The following ITGB5 variants were observed in gnomAD, a reference collection of about 807,000 sequenced individuals.
ITGB5 encodes integrin subunit beta 5.
A neutral mutation model predicts 84.8 loss-of-function variants in ITGB5; 38 were observed. That is an observed-to-expected ratio of 0.45 (90% CI 0.35 to 0.59). ITGB5 has a LOEUF of 0.59. Among genes scored for constraint, ITGB5 ranks in the 20% least tolerant of loss-of-function variants. The pLI is 0.01. For synonymous variants in ITGB5, 393 were observed against 414.4 expected (o/e 0.95, Z 0.63); for missense variants, 905 against 1,034.5 (o/e 0.87, Z 1.72).
At chr3:124,847,697 G>C (rs545029221) in intron 4 of ITGB5, among the ~76,000 whole-genome samples, 272 of 152,266 alleles carry the variant, frequency 1.8e-3, no homozygotes, top group Non-Finnish European at 2.8e-3. Context: ...AGTTGGACTT[G>C]AGGAGCAGGA....
intron 5 of ITGB5, among the ~76,000 whole-genome samples, chr3:124,834,577 GGAAGGAAA>G (rs2064905484): frequency 1.3e-5 from 1 of 77,968 alleles, no homozygotes; most frequent in Non-Finnish European, 2.4e-5. Context: ...GAGGAAGGAA[GGAAGGAAA>G]GAAGGAAGGA....
At chr3:124,816,757 G>T (rs1559949675) in intron 8 of ITGB5, among the ~76,000 whole-genome samples, 1 of 152,202 alleles carries the variant, frequency 6.6e-6, no homozygotes, top group Non-Finnish European at 1.5e-5. Flanking sequence ...TGGATGCGTG[G>T]CTTGGAATGT....
chr3:124,844,499 G>C (rs1357692081), intron 4 of ITGB5, among the ~76,000 whole-genome samples: 1 of 152,146 alleles, frequency 6.6e-6, no homozygotes, highest in Non-Finnish European at 1.5e-5. Flanking sequence ...GGTGGAGGTT[G>C]CAGTGAGCTG....
At chr3:124,868,598 T>C (rs559307156) in intron 2 of ITGB5, among the ~76,000 whole-genome samples, 5 of 111,016 alleles carry the variant, frequency 4.5e-5, no homozygotes, top group Admixed American at 3.9e-4. Context: ...CTGGGCAACA[T>C]AGTGAGACCT....
intron 5 of ITGB5, among the ~76,000 whole-genome samples, chr3:124,830,527 A>C (rs2064845424): frequency 6.6e-6 from 1 of 152,182 alleles, no homozygotes; most frequent in Admixed American, 6.5e-5. Context: ...ACTGTGTAGA[A>C]AAACAGAGAA....
At chr3:124,811,248 A>C (rs2064496824) in intron 8 of ITGB5, among the ~76,000 whole-genome samples, 1 of 152,194 alleles carries the variant, frequency 6.6e-6, no homozygotes. Context: ...GCTGTATCAT[A>C]GATCTCTCTG....
chr3:124,833,909 T>C (rs1426306273), intron 5 of ITGB5, among the ~76,000 whole-genome samples: 1 of 152,084 alleles, frequency 6.6e-6, no homozygotes, highest in Non-Finnish European at 1.5e-5. Flanking sequence ...AGATGATAAC[T>C]AGGACAGAAG....
chr3:124,785,231 A>G (rs2064063580), intron 10 of ITGB5, among the ~76,000 whole-genome samples: 1 of 152,246 alleles, frequency 6.6e-6, no homozygotes, highest in African/African-American at 2.4e-5. Context: ...GCACAGTAAT[A>G]ACAAGTAAAT....
upstream of ITGB5, chr3:124,887,684 C>A (rs1238029423): frequency 2.2e-6 from 1 of 451,362 alleles, no homozygotes; most frequent in African/African-American, 2.0e-5. Context: ...GGGCGGGGCA[C>A]GCTGTATTAG....
chr3:124,793,225 C>G (rs543832178), intron 10 of ITGB5: 11 of 152,302 alleles, frequency 7.2e-5, no homozygotes, highest in African/African-American at 2.6e-4. Flanking sequence ...CACACAGCAT[C>G]TGACTCAAAC....
At position 124,797,043 on chromosome 3, in the gene ITGB5, T is replaced by C. The variant is rs572342992; in HGVS notation, c.1264-226A>G. 4.6e-5 allele frequency among the ~76,000 whole-genome samples: 7 copies of C among 152,312 alleles called. No individual in the cohort carries two copies. In the South Asian group the frequency reaches 1.2e-3, roughly 27 times the overall value. On this transcript the variant is annotated intron_variant, in intron 9 of 14. Coordinates refer to ENST00000296181, the MANE Select transcript of ITGB5 (RefSeq NM_002213.5). Reference sequence around the variant, plus strand: ...GGTGAGCTCACATTTGACAGGTGAATTCTTTAACATTCATTATCTCTTTGC... The same window carrying C: ...GGTGAGCTCACATTTGACAGGTGAACTCTTTAACATTCATTATCTCTTTGC...
At chr3:124,894,675 A>G (rs555843954) in intron 1 of ITGB5, 4 of 152,308 alleles carry the variant, frequency 2.6e-5, no homozygotes, top group African/African-American at 7.2e-5. Context: ...TTATTTCAGT[A>G]AAAAGTAGAA....
intron 11 of ITGB5, among the ~76,000 whole-genome samples, chr3:124,771,284 G>GA (rs1407117346): frequency 2.0e-5 from 3 of 151,444 alleles, no homozygotes; most frequent in East Asian, 1.9e-4. Flanking sequence ...GAAACCCCCA[G>GA]AAAAAAAAGG....
intron 10 of ITGB5, among the ~76,000 whole-genome samples, chr3:124,775,194 ATGTG>A (rs1427620976): frequency 3.3e-5 from 5 of 152,082 alleles, no homozygotes; most frequent in African/African-American, 1.2e-4. Context: ...GCTCAGAGGA[ATGTG>A]TGTGCTTGTG....
chr3:124,801,890 G>A (rs1553757655), intron 9 of ITGB5, among the ~76,000 whole-genome samples: 1 of 152,230 alleles, frequency 6.6e-6, no homozygotes, highest in Non-Finnish European at 1.5e-5. Context: ...ACCATCAGCT[G>A]CTTTCCACTG....
intron 5 of ITGB5, among the ~76,000 whole-genome samples, chr3:124,825,997 T>C (rs1022775010): frequency 6.6e-6 from 1 of 152,154 alleles, no homozygotes; most frequent in Non-Finnish European, 1.5e-5. Context: ...ATAGAAAGGA[T>C]AAAATTATAT....
chr3:124,798,784 ATTACT>A (rs1390711183), intron 9 of ITGB5, among the ~76,000 whole-genome samples: 2 of 152,170 alleles, frequency 1.3e-5, no homozygotes, highest in African/African-American at 4.8e-5. Context: ...ACAGATCCCT[ATTACT>A]TTGAGATTTT....
At chr3:124,893,523 G>C (rs752138697) in intron 1 of ITGB5, among the ~76,000 whole-genome samples, 3 of 152,132 alleles carry the variant, frequency 2.0e-5, no homozygotes, top group Non-Finnish European at 4.4e-5. Context: ...CCATGGTCCT[G>C]GTTAGGAAAA....
intron 4 of ITGB5, among the ~76,000 whole-genome samples, chr3:124,843,001 C>A (rs12631961): frequency 6.6e-6 from 1 of 151,988 alleles, no homozygotes; most frequent in African/African-American, 2.4e-5. Flanking sequence ...CTCTCCCTCT[C>A]GGGGCCGGCG....
Sources: gnomAD v4.1 joint callset for allele counts (sites outside exome capture counted in the v4.1 genomes callset) on GRCh38, gnomAD v4.1.1 for gene constraint, MANE v1.5 for transcripts, NCBI Gene and HGNC (gene_info 2026-07-23, HGNC 2026-07-21) for gene names.